The following XPR1 variants were observed in gnomAD, a reference collection of about 807,000 sequenced individuals.
XPR1 encodes solute carrier family 53 member 1.
Under a neutral mutation model 87.5 loss-of-function variants are expected in XPR1, and 28 were observed. That is an observed-to-expected ratio of 0.32 (90% CI 0.24 to 0.44). XPR1 has a LOEUF of 0.44. Among genes scored for constraint, XPR1 ranks in the 20% least tolerant of loss-of-function variants. The pLI is 1.00. For synonymous variants in XPR1, 300 were observed against 306.1 expected, an observed-to-expected ratio of 0.98 and a Z score of 0.21; for missense variants, 559 against 862.3, an observed-to-expected ratio of 0.65 and a Z score of 4.41.
At chr1:180,879,130 C>A (rs751247151) in intron 13 of XPR1, among the ~76,000 whole-genome samples, 4 of 152,188 alleles carry the variant, frequency 2.6e-5, no homozygotes, top group Admixed American at 6.5e-5. Flanking sequence ...CGACTCACAT[C>A]GCATGTCAGT....
At chr1:180,782,988 T>A (rs1355355057) in intron 2 of XPR1, among the ~76,000 whole-genome samples, 2 of 152,002 alleles carry the variant, frequency 1.3e-5, no homozygotes, top group East Asian at 3.8e-4. Context: ...AGTTACTGAT[T>A]TCTAACATTA....
At chr1:180,747,514 T>C (rs1454356366) in intron 2 of XPR1, among the ~76,000 whole-genome samples, 1 of 152,242 alleles carries the variant, frequency 6.6e-6, no homozygotes, top group Non-Finnish European at 1.5e-5. Context: ...TTATCCGTTA[T>C]TTATTTAGTA....
intron 2 of XPR1, among the ~76,000 whole-genome samples, chr1:180,717,675 T>TA (rs1658045172): frequency 6.6e-6 from 1 of 152,188 alleles, no homozygotes; most frequent in Non-Finnish European, 1.5e-5. Flanking sequence ...GAATGATGAA[T>TA]TAAATTTAGT....
chr1:180,808,287 C>CCAA (rs1650074739), intron 6 of XPR1, among the ~76,000 whole-genome samples: 1 of 126,070 alleles, frequency 7.9e-6, no homozygotes. Flanking sequence ...TTCCATATAC[C>CCAA]AAAAAAAAAA....
chr1:180,694,773 G>GCACGCA (rs918821623), intron 2 of XPR1, among the ~76,000 whole-genome samples: 1 of 149,512 alleles, frequency 6.7e-6, no homozygotes. Context: ...ATTGTTGTGT[G>GCACGCA]CACACACACA....
chr1:180,671,888 A>C (rs1034543947), intron 1 of XPR1, among the ~76,000 whole-genome samples: 1 of 152,190 alleles, frequency 6.6e-6, no homozygotes, highest in African/African-American at 2.4e-5. Flanking sequence ...GCGTCTAGCC[A>C]ATATATTCTT....
At position 180,839,258 on chromosome 1, in the gene XPR1, A is replaced by G. The variant is rs200971040; in HGVS notation, c.1501+2542A>G. ...GTTGAAAGCAAAGAGTTGAAAATAA[A>G]TAAAGCAAATAATTGAACATGAACT... On this transcript the variant is annotated intron_variant, in intron 11 of 14. Coordinates refer to ENST00000367590, the MANE Select transcript of XPR1 (RefSeq NM_004736.4). Among the ~76,000 whole-genome samples, 16 of 152,346 alleles carry G rather than the reference A, an allele frequency of 1.1e-4. No individual in the cohort carries two copies. The East Asian group carries it at 3.1e-3, about 29-fold the overall frequency.
At chr1:180,783,329 G>T (rs1184779461) in intron 2 of XPR1, among the ~76,000 whole-genome samples, 2 of 151,948 alleles carry the variant, frequency 1.3e-5, no homozygotes, top group African/African-American at 4.8e-5. Context: ...TAATTTAAAG[G>T]TCTGGATATG....
chr1:180,777,223 T>A (rs1648757872), intron 2 of XPR1, among the ~76,000 whole-genome samples: 1 of 152,200 alleles, frequency 6.6e-6, no homozygotes, highest in South Asian at 2.1e-4. Flanking sequence ...TCCAGTGCCC[T>A]CACCCTAGTT....
At chr1:180,752,382 T>C (rs1647567115) in intron 2 of XPR1, among the ~76,000 whole-genome samples, 1 of 152,150 alleles carries the variant, frequency 6.6e-6, no homozygotes, top group Non-Finnish European at 1.5e-5. Flanking sequence ...ATATGAAAAT[T>C]TGGATTTGGA....
intron 9 of XPR1, among the ~76,000 whole-genome samples, chr1:180,830,751 C>G (rs970366273): frequency 1.3e-5 from 2 of 152,170 alleles, no homozygotes; most frequent in African/African-American, 4.8e-5. Flanking sequence ...TCACTTCACA[C>G]AGCGCTTATC....
intron 1 of XPR1, among the ~76,000 whole-genome samples, chr1:180,677,551 A>C (rs768602876): frequency 1.3e-5 from 2 of 152,152 alleles, no homozygotes; most frequent in Non-Finnish European, 2.9e-5. Flanking sequence ...AGGGTCTGCA[A>C]AGTATCTCAG....
At position 180,803,413 on chromosome 1, in the gene XPR1, G is replaced by T. The variant is rs1374007102; in HGVS notation, c.249G>T (p.Arg83Ser). Residue 83 changes from arginine (R) to serine (S), a missense_variant, in exon 4 of 15, where the codon AGG becomes AGT. Transcript: ENST00000367590. ...YSEKLAEAQR[R>S]FATLQNELQS... ...AGAAGCTCGCAGAGGCTCAGCGCAG[G>T]TTTGCTACACTTCAGAATGAGCTTC... 1.2e-6 allele frequency: 2 copies of T among 1,613,994 alleles called. No individual in the cohort carries two copies. The highest frequency in any genetic ancestry group is 3.3e-5 in the Admixed American group (2 of 60,018).
chr1:180,644,191 G>C (rs907374470), intron 1 of XPR1, among the ~76,000 whole-genome samples: 3 of 152,114 alleles, frequency 2.0e-5, no homozygotes, highest in Non-Finnish European at 2.9e-5. Context: ...ATAATTACTA[G>C]AAGGTGGCTG....
At chr1:180,670,673 T>C (rs1656138932) in intron 1 of XPR1, among the ~76,000 whole-genome samples, 1 of 152,224 alleles carries the variant, frequency 6.6e-6, no homozygotes, top group Non-Finnish European at 1.5e-5. Flanking sequence ...CTTTTATAAC[T>C]GCCCATATAT....
At position 180,889,450 on chromosome 1, in the gene XPR1, AAG is replaced by A. The variant is rs1200470471; in HGVS notation, c.*5387_*5388del. 2 of 152,258 alleles carry A rather than the reference AAG, an allele frequency of 1.3e-5. No homozygotes were observed. The highest frequency in any genetic ancestry group is 4.8e-5 in the African/African-American group (2 of 41,470). 9.4% of individuals were successfully genotyped at this position (152,258 alleles called of 1,614,324 possible). On this transcript the variant is annotated 3_prime_UTR_variant, in exon 15 of 15. Transcript: ENST00000367590. ...TCTAGAAAGTTGTGGACTTCTAAGA[AAG>A]AGCCAGGCTTCCATCTCACTATCCC...
At position 180,731,238 on chromosome 1, in the gene XPR1, A is replaced by T. The variant is rs1658547513; in HGVS notation, c.121+48827A>T. Among the ~76,000 whole-genome samples the T allele has an allele frequency of 2.0e-5, 3 of 152,210 alleles. No homozygotes were observed. In the South Asian group the frequency reaches 6.2e-4, roughly 32 times the overall value. ...AAAAATAAAAAGAAGTGTTACCGAAACACCAGAGGTTTGGTCTAGGTCCTG... is the reference window on the plus strand; with the variant it reads ...AAAAATAAAAAGAAGTGTTACCGAATCACCAGAGGTTTGGTCTAGGTCCTG... On this transcript the variant is annotated intron_variant, in intron 2 of 14. Transcript: ENST00000367590.
intron 2 of XPR1, among the ~76,000 whole-genome samples, chr1:180,782,768 A>C (rs939494353): frequency 3.6e-4 from 54 of 151,952 alleles, no homozygotes; most frequent in African/African-American, 1.2e-3. Flanking sequence ...CCCATGTAGC[A>C]CGTAGTAGTC....
At chr1:180,813,046 C>CCCA (rs1558020829) in intron 7 of XPR1, among the ~76,000 whole-genome samples, 5 of 145,784 alleles carry the variant, frequency 3.4e-5, no homozygotes, top group African/African-American at 1.3e-4. Context: ...TTTTTCCCCC[C>CCCA]CCCCAATGGA....
Sources: allele counts gnomAD v4.1 joint callset (sites outside exome capture counted in the v4.1 genomes callset), GRCh38; gene constraint gnomAD v4.1.1; transcripts MANE v1.5; gene names NCBI Gene and HGNC (gene_info 2026-07-23, HGNC 2026-07-21).